MEGF11: variants seen among roughly 807,000 people sequenced by gnomAD.
MEGF11 encodes multiple epidermal growth factor-like domains protein 11.
MEGF11 carries 126 observed loss-of-function variants against 146.6 expected under a neutral mutation model. That is an observed-to-expected ratio of 0.86 (90% CI 0.74 to 1.00). MEGF11 has a LOEUF of 1.00. MEGF11 is among the 50% of genes least tolerant of loss of function. The pLI is 0.00. For synonymous variants in MEGF11, 532 were observed against 583.4 expected, an observed-to-expected ratio of 0.91 and a Z score of 1.27; for missense variants, 1,509 against 1,521.2, an observed-to-expected ratio of 0.99 and a Z score of 0.13.
intron 1 of MEGF11, among the ~76,000 whole-genome samples, chr15:66,222,444 T>G (rs572773586): frequency 6.6e-6 from 1 of 152,318 alleles, no homozygotes; most frequent in South Asian, 2.1e-4. Context: ...CCACAGCCTC[T>G]TGCACCTATT....
rs765580995 is a variant in MEGF11, at chr15:65,913,975, T to C, written c.2474-2A>G. 6.2e-7 allele frequency: 1 copy of C among 1,612,902 alleles called. No homozygotes were observed. The highest frequency in any genetic ancestry group is 2.2e-5 in the East Asian group (1 of 44,868). On this transcript the variant is annotated splice_acceptor_variant, in intron 19 of 25. Coordinates refer to ENST00000395614, the MANE Select transcript of MEGF11 (RefSeq NM_001385028.1). LOFTEE classifies it high-confidence loss of function. ...TCAGCTCCTCCATCATGAGGGCAGC[T>C]GCGGGCAGAGGGAGGGCCTGAGCCT...
chr15:66,128,196 G>A (rs948672600), intron 2 of MEGF11, 110 bp downstream of exon 2: 87 of 600,296 alleles, frequency 1.4e-4, no homozygotes, highest in Non-Finnish European at 2.1e-4. Context: ...CAGCCAGGCT[G>A]CAGACCCTTA....
chr15:66,014,332 C>A (rs1327429740), intron 5 of MEGF11, among the ~76,000 whole-genome samples: 1 of 152,184 alleles, frequency 6.6e-6, no homozygotes, highest in Non-Finnish European at 1.5e-5. Context: ...CATTCACAGG[C>A]TCCAGATGGA....
intron 1 of MEGF11, among the ~76,000 whole-genome samples, chr15:66,198,426 G>A (rs932940006): frequency 7.2e-5 from 11 of 152,198 alleles, no homozygotes; most frequent in African/African-American, 1.2e-4. Flanking sequence ...CACCACCCAT[G>A]TGATCTCAAC....
intron 1 of MEGF11, among the ~76,000 whole-genome samples, chr15:66,247,432 A>T (rs2092310813): frequency 6.6e-6 from 1 of 152,126 alleles, no homozygotes; most frequent in African/African-American, 2.4e-5. Context: ...ACTGAGGCAC[A>T]GGAGGTGAAA....
chr15:65,906,396 C>G lies in MEGF11; in HGVS notation c.2999-255G>C, dbSNP rs138019871. On this transcript the variant is annotated intron_variant, in intron 23 of 25. Transcript: ENST00000395614. The stretch of plus-strand genomic sequence containing the variant: ...AAAGGCTCATAAGCTACAGCGACCC[C>G]CGGCATATTCAGCACTCCTTCCCTT... Among the ~76,000 whole-genome samples the G allele has an allele frequency of 2.6e-5, 4 of 152,256 alleles. No individual in the cohort carries two copies. The East Asian group carries it at 5.8e-4, about 22-fold the overall frequency.
intron 5 of MEGF11, among the ~76,000 whole-genome samples, chr15:65,999,347 G>A (rs2082289741): frequency 6.6e-6 from 1 of 152,110 alleles, no homozygotes; most frequent in Non-Finnish European, 1.5e-5. Context: ...CTTCCTTAAA[G>A]ACCCTGAAGA....
chr15:66,160,242 C>CCT (rs143653192), intron 1 of MEGF11, among the ~76,000 whole-genome samples: 13,559 of 133,306 alleles, frequency 0.1, 771 homozygotes, highest in African/African-American at 0.13. Flanking sequence ...AAGGAAAAGC[C>CCT]CTCTCTCTCT....
intron 1 of MEGF11, among the ~76,000 whole-genome samples, chr15:66,187,645 C>T (rs1706826414): frequency 6.6e-6 from 1 of 152,070 alleles, no homozygotes; most frequent in African/African-American, 2.4e-5. Context: ...CATTTCCCCT[C>T]ATCCACAACC....
chr15:66,124,035 G>T (rs746537304), intron 2 of MEGF11, 35 bp from the exon 3 acceptor site: 3 of 1,541,118 alleles, frequency 1.9e-6, no homozygotes, highest in Middle Eastern at 1.7e-4. Context: ...GCCATGATTA[G>T]CACTTGGGAA....
chr15:66,102,159 G>A (rs1235064727), intron 4 of MEGF11, among the ~76,000 whole-genome samples: 7 of 46,000 alleles, frequency 1.5e-4, no homozygotes, highest in Non-Finnish European at 3.1e-4. Flanking sequence ...CCCCAGATCT[G>A]CTCGTGGCCG....
intron 1 of MEGF11, among the ~76,000 whole-genome samples, chr15:66,136,373 G>A (rs922835732): frequency 6.6e-6 from 1 of 152,248 alleles, no homozygotes; most frequent in East Asian, 1.9e-4. Flanking sequence ...CACTAGGACA[G>A]GGTCTCTCCC....
chr15:66,000,307 T>C (rs1319137954), intron 5 of MEGF11, among the ~76,000 whole-genome samples: 2 of 152,168 alleles, frequency 1.3e-5, no homozygotes, highest in African/African-American at 4.8e-5. Context: ...GACAGGAGGA[T>C]GGCTTGAGGC....
At chr15:66,172,788 C>T (rs890926133) in intron 1 of MEGF11, among the ~76,000 whole-genome samples, 16 of 152,350 alleles carry the variant, frequency 1.1e-4, no homozygotes, top group Admixed American at 9.8e-4. Context: ...TGACCAATAC[C>T]TCTCATTTTA....
At chr15:66,075,269 C>A (rs1255802578) in intron 5 of MEGF11, among the ~76,000 whole-genome samples, 1 of 152,214 alleles carries the variant, frequency 6.6e-6, no homozygotes, top group African/African-American at 2.4e-5. Context: ...CTAGAGAATT[C>A]TATCAGATTA....
Position 65,982,785 on chromosome 15 carries a change from C to CT in MEGF11, c.395-298dup, listed in dbSNP as rs958692642. On this transcript the variant is annotated intron_variant, in intron 5 of 25. Transcript: ENST00000395614. The surrounding 1 kb of genome is among the most constrained non-coding windows in gnomAD (Gnocchi z 5.6). ...AACCAAATGGCTGCCCTAAGCCCCC[C>CT]TCTCCTGTATTGAAATTCCGGAGCC... 6.6e-6 allele frequency among the ~76,000 whole-genome samples: 1 copy of CT among 152,180 alleles called. No individual in the cohort carries two copies. Among genetic ancestry groups the CT allele is most frequent in the African/African-American group, 2.4e-5 (1 of 41,444 alleles).
intron 5 of MEGF11, among the ~76,000 whole-genome samples, chr15:65,994,100 C>G (rs1412216964): frequency 6.6e-6 from 1 of 152,198 alleles, no homozygotes; most frequent in Non-Finnish European, 1.5e-5. Flanking sequence ...AGGGACAAAG[C>G]ACTAAGCAGC....
At chr15:65,922,509 G>T (rs2079209260) in intron 14 of MEGF11, 37 bp from the exon 15 acceptor site, 1 of 1,516,032 alleles carries the variant, frequency 6.6e-7, no homozygotes, top group Non-Finnish European at 8.8e-7. Context: ...AGCAGCCCAA[G>T]AGACCCCAGC....
chr15:65,978,483 A>C (rs943977993), intron 7 of MEGF11, among the ~76,000 whole-genome samples: 3 of 152,256 alleles, frequency 2.0e-5, no homozygotes, highest in African/African-American at 7.2e-5. Flanking sequence ...CTGGAAAAAC[A>C]AACCTCTTGC....
Sources: gnomAD v4.1 joint callset for allele counts (sites outside exome capture counted in the v4.1 genomes callset) on GRCh38, gnomAD v4.1.1 for gene constraint, Gnocchi (gnomAD v3.1) non-coding constraint, MANE v1.5 for transcripts, NCBI Gene and HGNC (gene_info 2026-07-23, HGNC 2026-07-21) for gene names.